Variants in ACADSB observed in about 807,000 individuals in gnomAD.
ACADSB encodes acyl-CoA dehydrogenase short/branched chain, also known as short/branched chain specific acyl-CoA dehydrogenase, mitochondrial.
ACADSB carries 40 observed loss-of-function variants against 54.1 expected under a neutral mutation model. The ratio of observed to expected loss-of-function variants is 0.74; its 90% CI spans 0.57 to 0.96. The LOEUF (loss-of-function observed/expected upper bound fraction) is 0.96. ACADSB is among the 40% of genes least tolerant of loss of function. The pLI is 0.00. For synonymous variants in ACADSB, 182 were observed against 182.8 expected (o/e 1.00, Z 0.03); for missense variants, 530 against 510.4 (o/e 1.04, Z -0.37).
intron 7 of ACADSB, among the ~76,000 whole-genome samples, chr10:123,046,856 T>TGAAGG (rs1850566603): frequency 5.9e-5 from 9 of 152,230 alleles, no homozygotes. Flanking sequence ...GAGCAAAACT[T>TGAAGG]CTATGGCTCA....
chr10:123,051,176 A>G lies in ACADSB; in HGVS notation c.1118A>G (p.Tyr373Cys), dbSNP rs1850627231. ...FIKEASMAKY[Y>C]ASEIAGQTTS... is the part of the protein sequence containing the mutation. Reference sequence around the variant, plus strand: ...AAAGAAGCGTCAATGGCCAAATACTATGCATCAGAGGTAAAAAAAAAAAAA... The same window carrying G: ...AAAGAAGCGTCAATGGCCAAATACTGTGCATCAGAGGTAAAAAAAAAAAAA... Residue 373 changes from tyrosine to cysteine, a missense_variant, in exon 9 of 11, where the codon TAT becomes TGT. Physicochemically the swap from Tyr to Cys is radical, Grantham distance 194. Coordinates refer to ENST00000358776, the MANE Select transcript of ACADSB (RefSeq NM_001609.4). 7.0e-7 allele frequency: 1 copy of G among 1,425,498 alleles called. No homozygotes were observed. The highest frequency in any genetic ancestry group is 9.6e-7 in the Non-Finnish European group (1 of 1,043,412). 88.3% of individuals were successfully genotyped at this position (1,425,498 alleles called of 1,614,324 possible).
chr10:123,029,485 A>G (rs903819200), intron 1 of ACADSB, among the ~76,000 whole-genome samples: 1 of 152,142 alleles, frequency 6.6e-6, no homozygotes, highest in Admixed American at 6.5e-5. Context: ...CTTTTACTAT[A>G]TCTTTATGTC....
At chr10:123,024,015 A>G (rs1398326768) in intron 1 of ACADSB, among the ~76,000 whole-genome samples, 1 of 152,226 alleles carries the variant, frequency 6.6e-6, no homozygotes, top group African/African-American at 2.4e-5. Flanking sequence ...TTAGGTGGGC[A>G]CCAATCCCAC....
Position 123,053,767 on chromosome 10 carries a change from G to T in ACADSB, c.*2G>T. ...AAGCATATCGATGCAGAATACTGACGTCTATAGGAGTGGGACCCCTCCCTG... is the reference window on the plus strand; with the variant it reads ...AAGCATATCGATGCAGAATACTGACTTCTATAGGAGTGGGACCCCTCCCTG... On this transcript the variant is annotated 3_prime_UTR_variant, in exon 11 of 11. Transcript: ENST00000358776. The T allele has an allele frequency of 6.2e-7, 1 of 1,612,802 alleles. No individual in the cohort carries two copies. Among genetic ancestry groups the T allele is most frequent in the Non-Finnish European group, 8.5e-7 (1 of 1,178,768 alleles).
intron 1 of ACADSB, among the ~76,000 whole-genome samples, chr10:123,030,526 C>CAAAAAAA (rs66574740): frequency 1.0e-5 from 1 of 95,886 alleles, no homozygotes; most frequent in Admixed American, 1.1e-4. Context: ...GACTCTGTCT[C>CAAAAAAA]AAAAAAAAAA....
chr10:123,052,062 C>G lies in ACADSB; in HGVS notation c.1128+876C>G, dbSNP rs1295240585. Among the ~76,000 whole-genome samples, 3 of 152,216 alleles carry G rather than the reference C, an allele frequency of 2.0e-5. No homozygotes were observed. Among genetic ancestry groups the G allele is most frequent in the Non-Finnish European group, 4.4e-5 (3 of 68,038 alleles). ...GTGCTTCCTCCCATCCAGCCTCTCT[C>G]CTTTTTCAAAGTGGCAGTGAGGCCA... On this transcript the variant is annotated intron_variant, in intron 9 of 10. Coordinates refer to ENST00000358776, the MANE Select transcript of ACADSB (RefSeq NM_001609.4). The surrounding 1 kb of genome is among the most constrained non-coding windows in gnomAD (Gnocchi z 4.2).
chr10:123,018,978 A>C (rs1443968023), intron 1 of ACADSB, among the ~76,000 whole-genome samples: 4 of 152,216 alleles, frequency 2.6e-5, no homozygotes, highest in Non-Finnish European at 5.9e-5. Flanking sequence ...AGCAGGTATG[A>C]ACAATTTGGC....
intron 8 of ACADSB, among the ~76,000 whole-genome samples, chr10:123,049,052 AC>A (rs1203939171): frequency 6.6e-6 from 1 of 152,230 alleles, no homozygotes; most frequent in Non-Finnish European, 1.5e-5. Flanking sequence ...GTACACAGGT[AC>A]CCATAAACAT....
Position 123,040,307 on chromosome 10 carries a change from C to T in ACADSB, c.304-159C>T, listed in dbSNP as rs1008517448. Among the ~76,000 whole-genome samples the T allele has an allele frequency of 2.6e-5, 4 of 151,508 alleles. 1 individual carries two copies. The South Asian group carries it at 8.3e-4, about 31-fold the overall frequency. The stretch of plus-strand genomic sequence containing the variant: ...TGGAGGTTGCAGTGAGCTGAGATTG[C>T]GCCATTGCACTCCAGCCTGGGAGAC... On this transcript the variant is annotated intron_variant, in intron 3 of 10. Coordinates refer to ENST00000358776, the MANE Select transcript of ACADSB (RefSeq NM_001609.4).
intron 1 of ACADSB, among the ~76,000 whole-genome samples, chr10:123,018,047 A>G (rs1850130708): frequency 6.6e-6 from 1 of 152,104 alleles, no homozygotes; most frequent in Admixed American, 6.6e-5. Flanking sequence ...ATAATGAGGT[A>G]TGTTCGACCC....
chr10:123,037,074 A>G (rs1850408174), intron 2 of ACADSB, among the ~76,000 whole-genome samples: 1 of 152,230 alleles, frequency 6.6e-6, no homozygotes, highest in Non-Finnish European at 1.5e-5. Flanking sequence ...ATTTAGCAAC[A>G]TTTAGAGACA....
chr10:123,034,709 C>T (rs1411868017), intron 2 of ACADSB, among the ~76,000 whole-genome samples, 194 bp downstream of exon 2: 2 of 152,108 alleles, frequency 1.3e-5, no homozygotes, highest in Non-Finnish European at 2.9e-5. Flanking sequence ...TCACATATGA[C>T]AGGATTGAAA....
intron 3 of ACADSB, among the ~76,000 whole-genome samples, chr10:123,039,294 C>T (rs1464512029): frequency 6.6e-6 from 1 of 152,194 alleles, no homozygotes; most frequent in East Asian, 1.9e-4. Flanking sequence ...TTCTGGTTCC[C>T]TTTTCCTGTT....
rs576915466 is a variant in ACADSB at position 123,024,809 on chromosome 10, C to T, written c.43-9547C>T. On this transcript the variant is annotated intron_variant, in intron 1 of 10. Transcript: ENST00000358776. ...TACAGAATTTTCTGGGGTTCAAATACACTCTAGAGGTTTCCCATTGGTTAC... is the reference window on the plus strand; with the variant it reads ...TACAGAATTTTCTGGGGTTCAAATATACTCTAGAGGTTTCCCATTGGTTAC... Among the ~76,000 whole-genome samples, 3 of 152,292 alleles carry T rather than the reference C, an allele frequency of 2.0e-5. No individual in the cohort carries two copies. In the East Asian group the frequency reaches 5.8e-4, roughly 29 times the overall value.
chr10:123,026,821 A>T (rs1172437255), intron 1 of ACADSB, among the ~76,000 whole-genome samples: 1 of 152,104 alleles, frequency 6.6e-6, no homozygotes, highest in East Asian at 1.9e-4. Flanking sequence ...CTATTTGCTT[A>T]TATTTGTTTT....
In ACADSB at chr10:123,057,771, G is replaced by A. The variant is rs1325309004; in HGVS notation, c.*4006G>A. ...CAACCAACTCTCTCATTTTAAAAGT[G>A]AAGGATTCATAGCACAGATTACTTG... On this transcript the variant is annotated 3_prime_UTR_variant, in exon 11 of 11. Coordinates refer to ENST00000358776, the MANE Select transcript of ACADSB (RefSeq NM_001609.4). 6.6e-6 allele frequency: 1 copy of A among 152,220 alleles called. No homozygotes were observed. Among genetic ancestry groups the A allele is most frequent in the Non-Finnish European group, 1.5e-5 (1 of 68,038 alleles). 9.4% of individuals were successfully genotyped at this position (152,220 alleles called of 1,614,324 possible). A position where few individuals can be genotyped will look rare whatever the true frequency, so the allele number is the denominator to read the frequency against.
chr10:123,052,719 T>A lies in ACADSB; in HGVS notation c.1129-342T>A, dbSNP rs1409802986. 3.1e-6 allele frequency: 1 copy of A among 324,644 alleles called. No individual in the cohort carries two copies. Among genetic ancestry groups the A allele is most frequent in the Non-Finnish European group, 5.9e-6 (1 of 168,626 alleles). 20.1% of individuals were successfully genotyped at this position (324,644 alleles called of 1,614,324 possible). On this transcript the variant is annotated intron_variant, in intron 9 of 10. Transcript: ENST00000358776. This position sits in a 1 kb window ranked among gnomAD's most constrained non-coding sequence, Gnocchi z 4.2. ...GGAAGTTGAAGAGCTCATTCTCCCC[T>A]TGGAGGATTTCGACGTGTTGGTCCT...
chr10:123,032,910 C>A (rs1040549370), intron 1 of ACADSB, among the ~76,000 whole-genome samples: 3 of 152,068 alleles, frequency 2.0e-5, no homozygotes, highest in Admixed American at 6.6e-5. Flanking sequence ...TTCTTTCCCC[C>A]CTTTCTTCCT....
intron 2 of ACADSB, among the ~76,000 whole-genome samples, chr10:123,035,848 C>T (rs1850391764): frequency 6.6e-6 from 1 of 152,194 alleles, no homozygotes; most frequent in African/African-American, 2.4e-5. Flanking sequence ...CATCGAGTCT[C>T]TCTCATCCTT....
Sources: allele counts gnomAD v4.1 joint callset (sites outside exome capture counted in the v4.1 genomes callset), GRCh38; gene constraint gnomAD v4.1.1; non-coding constraint Gnocchi (gnomAD v3.1); transcripts MANE v1.5; gene names NCBI Gene and HGNC (gene_info 2026-07-23, HGNC 2026-07-21).